ARHGEF4: variants seen among roughly 807,000 people sequenced by gnomAD.
ARHGEF4 encodes the protein Rho guanine nucleotide exchange factor 4.
ARHGEF4 carries 119 observed loss-of-function variants against 162.0 expected under a neutral mutation model. The ratio of observed to expected loss-of-function variants is 0.73; its 90% CI spans 0.63 to 0.86. The LOEUF (loss-of-function observed/expected upper bound fraction) is 0.86. Among genes scored for constraint, ARHGEF4 ranks in the 40% least tolerant of loss-of-function variants. The pLI, the probability that ARHGEF4 is intolerant of heterozygous loss-of-function variation, is 0.00. For synonymous variants in ARHGEF4, 1,014 were observed against 979.9 expected, an observed-to-expected ratio of 1.03 and a Z score of -0.65; for missense variants, 2,488 against 2,456.0, an observed-to-expected ratio of 1.01 and a Z score of -0.28.
intron 1 of ARHGEF4, among the ~76,000 whole-genome samples, chr2:130,900,396 T>G (rs892575322): frequency 2.0e-5 from 3 of 152,212 alleles, no homozygotes; most frequent in African/African-American, 7.2e-5. Flanking sequence ...GTTTGGTGTA[T>G]ACATATTTTA....
At position 131,039,155 on chromosome 2, in the gene ARHGEF4, CG is replaced by C. The variant is rs1690549343; in HGVS notation, c.4305+127del. The stretch of plus-strand genomic sequence containing the variant: ...GTGCAGAGCACTGGGTGGTGGGTGT[CG>C]GGGCGCAGTGTCACAGCCTTCCTCC... On this transcript the variant is annotated intron_variant, in intron 6 of 13. Transcript: ENST00000409359. 9.9e-6 allele frequency: 13 copies of C among 1,310,522 alleles called. No individual in the cohort carries two copies. The East Asian group carries it at 3.3e-4, about 34-fold the overall frequency. The allele number at this position is 1,310,522 out of a possible 1,614,324, so 81.2% of individuals were successfully genotyped here.
At chr2:130,837,200 G>C (rs899105691) in intron 1 of ARHGEF4, among the ~76,000 whole-genome samples, 2 of 152,156 alleles carry the variant, frequency 1.3e-5, no homozygotes, top group Non-Finnish European at 2.9e-5. Flanking sequence ...TCGAGCGCGG[G>C]GAAGGACGGG....
chr2:130,920,404 G>A (rs1206631653), intron 2 of ARHGEF4, among the ~76,000 whole-genome samples: 1 of 152,242 alleles, frequency 6.6e-6, no homozygotes, highest in Non-Finnish European at 1.5e-5. Flanking sequence ...TGAAGCGGGT[G>A]CCAGATAAAT....
chr2:131,016,150 C>T (rs1688764374), intron 4 of ARHGEF4, among the ~76,000 whole-genome samples: 1 of 152,156 alleles, frequency 6.6e-6, no homozygotes, highest in Admixed American at 6.5e-5. Flanking sequence ...GAACACTCTT[C>T]ACCCCCCTTG....
chr2:130,976,332 C>CGTGT lies in ARHGEF4; in HGVS notation c.3985+29710_3985+29713dup, dbSNP rs978370319. ...CTCAAAACTCATTCGGCCCCAGAAT[C>CGTGT]GTGTGTGTGTGTGTGTCTGTGTGTG... On this transcript the variant is annotated intron_variant, in intron 4 of 13. Coordinates refer to ENST00000409359, the MANE Select transcript of ARHGEF4 (RefSeq NM_001367493.1). Among the ~76,000 whole-genome samples the CGTGT allele has an allele frequency of 9.4e-5, 10 of 106,924 alleles. No individual in the cohort carries two copies. The South Asian group carries it at 1.1e-3, about 12-fold the overall frequency. The allele number at this position is 106,924 out of a possible 152,430, so 70.1% of individuals were successfully genotyped here.
intron 4 of ARHGEF4, among the ~76,000 whole-genome samples, chr2:130,983,867 T>G (rs1355167250): frequency 6.6e-6 from 1 of 152,160 alleles, no homozygotes; most frequent in Non-Finnish European, 1.5e-5. Context: ...GCCAGGATGG[T>G]CTTGATCTCC....
chr2:130,986,968 G>A lies in ARHGEF4; in HGVS notation c.3985+40333G>A, dbSNP rs187036964. Among the ~76,000 whole-genome samples, 329 of 152,320 alleles carry A rather than the reference G, an allele frequency of 2.2e-3. 1 individual carries two copies. Among genetic ancestry groups the A allele is most frequent in the African/African-American group, 7.7e-3 (320 of 41,566 alleles). On this transcript the variant is annotated intron_variant, in intron 4 of 13. Coordinates refer to ENST00000409359, the MANE Select transcript of ARHGEF4 (RefSeq NM_001367493.1). ...ACAATCTCGCCCTGAAAATCTGCAG[G>A]GAATTGAGAATCCTTACACAGCAAG...
chr2:130,917,106 G>GCGTCCC lies in ARHGEF4; in HGVS notation c.3162_3167dup (p.Ser1055_Pro1056dup), dbSNP rs1282255947. 3.2e-6 allele frequency: 5 copies of GCGTCCC among 1,550,336 alleles called. No homozygotes were observed. Among genetic ancestry groups the GCGTCCC allele is most frequent in the Non-Finnish European group, 4.4e-6 (5 of 1,146,974 alleles). ...TATCTTTCCGGAAAAGTCCTGGCTG[G>GCGTCCC]CGTCCCCCGGCAGCCCTCGGGCCCA... On this transcript the variant is annotated inframe_insertion, in exon 2 of 14. Transcript: ENST00000409359.
Position 130,915,425 on chromosome 2 carries a change from G to A in ARHGEF4, c.1479G>A (p.Trp493Ter), listed in dbSNP as rs1373575484. ...ADERETQKHL[W>*]GISVQAGNQT... is the part of the protein sequence containing the mutation. ...AGAGAGAGACACAGAAGCACCTCTGGGGCATTTCTGTCCAGGCAGGAAACC... is the reference window on the plus strand; with the variant it reads ...AGAGAGAGACACAGAAGCACCTCTGAGGCATTTCTGTCCAGGCAGGAAACC... The change falls in exon 2 of 14, where the codon TGG (tryptophan) becomes TGA (stop). Residue 493 changes from tryptophan to a stop codon, truncating the protein, a stop_gained. Transcript: ENST00000409359. LOFTEE classifies it high-confidence loss of function. 5 of 1,550,498 alleles carry A rather than the reference G, an allele frequency of 3.2e-6. No individual in the cohort carries two copies. Among genetic ancestry groups the A allele is most frequent in the Non-Finnish European group, 2.6e-6 (3 of 1,147,002 alleles).
chr2:130,964,326 C>A, intron 4 of ARHGEF4: 1 of 874,282 alleles, frequency 1.1e-6, no homozygotes, highest in Non-Finnish European at 1.4e-6. Flanking sequence ...CCGCCCCCCT[C>A]CTGCCTTTCC....
chr2:130,878,135 G>T (rs946915574), intron 1 of ARHGEF4, among the ~76,000 whole-genome samples: 3 of 152,096 alleles, frequency 2.0e-5, no homozygotes, highest in Non-Finnish European at 4.4e-5. Flanking sequence ...ATTTAAGAGC[G>T]AAATCATAAA....
At chr2:130,888,509 G>T (rs1331298875) in intron 1 of ARHGEF4, among the ~76,000 whole-genome samples, 1 of 151,866 alleles carries the variant, frequency 6.6e-6, no homozygotes, top group Non-Finnish European at 1.5e-5. Context: ...AGGCTTTCTA[G>T]TCTAGTATTT....
intron 4 of ARHGEF4, among the ~76,000 whole-genome samples, chr2:131,015,599 A>C (rs1688723250): frequency 6.6e-6 from 1 of 152,258 alleles, no homozygotes; most frequent in African/African-American, 2.4e-5. Context: ...TTTAAAAAAC[A>C]AAAGCTAGTC....
At chr2:131,021,411 A>T (rs1238369752) in intron 4 of ARHGEF4, among the ~76,000 whole-genome samples, 2 of 152,208 alleles carry the variant, frequency 1.3e-5, no homozygotes, top group East Asian at 3.9e-4. Context: ...TGGTGCTGGG[A>T]AAACTGGCTA....
intron 4 of ARHGEF4, among the ~76,000 whole-genome samples, chr2:130,985,522 AGT>A (rs1452941153): frequency 6.6e-6 from 1 of 151,548 alleles, no homozygotes; most frequent in Non-Finnish European, 1.5e-5. Context: ...GAAAAGTAAC[AGT>A]GTGTGGGAAA....
At chr2:130,985,851 TTTGTATATGTTGTGTGTGCGTGGTGTGTA>T (rs894626015) in intron 4 of ARHGEF4, among the ~76,000 whole-genome samples, 2 of 150,706 alleles carry the variant, frequency 1.3e-5, no homozygotes, top group African/African-American at 2.4e-5. Context: ...CATGGTGTGT[TTTGTATATGTTGTGTGTGCGTGGTGTGTA>T]TTGTATATGT....
intron 4 of ARHGEF4, among the ~76,000 whole-genome samples, chr2:131,003,228 A>G (rs1165052442): frequency 6.6e-6 from 1 of 152,190 alleles, no homozygotes; most frequent in Non-Finnish European, 1.5e-5. Context: ...CTCTGTACCC[A>G]GAGGTCCAGG....
chr2:130,873,165 T>C (rs1678599097), intron 1 of ARHGEF4, among the ~76,000 whole-genome samples: 2 of 152,238 alleles, frequency 1.3e-5, no homozygotes, highest in Non-Finnish European at 1.5e-5. Context: ...AAAAGCCACT[T>C]GATCTGTCTG....
intron 1 of ARHGEF4, among the ~76,000 whole-genome samples, chr2:130,868,172 G>A (rs1425855003): frequency 1.3e-5 from 2 of 151,920 alleles, no homozygotes; most frequent in African/African-American, 4.8e-5. Context: ...TGATCCGCCC[G>A]CCCCGGCCTC....
Sources: allele counts gnomAD v4.1 joint callset (sites outside exome capture counted in the v4.1 genomes callset), GRCh38; gene constraint gnomAD v4.1.1; transcripts MANE v1.5; gene names NCBI Gene and HGNC (gene_info 2026-07-23, HGNC 2026-07-21).